MAU2: variants seen among roughly 807,000 people sequenced by gnomAD.
MAU2 encodes MAU2 sister chromatid cohesion factor.
A neutral mutation model predicts 89.1 loss-of-function variants in MAU2; 9 were observed. The observed-to-expected ratio is 0.10, with a 90% CI of 0.06 to 0.18. MAU2 has a LOEUF of 0.18. Ranked by LOEUF, MAU2 falls within the 10% of genes least tolerant of loss-of-function variation. The pLI, the probability that MAU2 is intolerant of heterozygous loss-of-function variation, is 1.00. For missense variants in MAU2, 425 were observed against 803.5 expected (o/e 0.53, Z 5.69); for synonymous variants, 357 against 343.4 (o/e 1.04, Z -0.44).
At chr19:19,347,456 C>T (rs1464840723) in intron 13 of MAU2, 90 bp downstream of exon 13, 4 of 975,780 alleles carry the variant, frequency 4.1e-6, no homozygotes, top group East Asian at 5.0e-5. Flanking sequence ...CAGCACATCT[C>T]AGCAGACCCC....
Position 19,345,271 on chromosome 19 carries a change from G to A in MAU2, c.1156-33G>A. ...TCTGATCTGAGCCCCCTCCCCAGGG[G>A]CCGGCCCTGATGACAACACCACCTT... On this transcript the variant is annotated intron_variant, in intron 11 of 18. Transcript: ENST00000262815. The surrounding 1 kb of genome is among the most constrained non-coding windows in gnomAD (Gnocchi z 4.9). The A allele has an allele frequency of 6.2e-7, 1 of 1,601,334 alleles. No individual in the cohort carries two copies. The highest frequency in any genetic ancestry group is 8.6e-7 in the Non-Finnish European group (1 of 1,168,902).
Position 19,341,282 on chromosome 19 carries a change from G to T in MAU2, c.610G>T (p.Val204Leu). The T allele has an allele frequency of 1.2e-6, 2 of 1,612,486 alleles. No homozygotes were observed. Among genetic ancestry groups the T allele is most frequent in the Non-Finnish European group, 1.7e-6 (2 of 1,179,986 alleles). The change falls in exon 7 of 19, where the codon GTG becomes TTG. Residue 204 changes from valine (V) to leucine (L), a missense_variant. Coordinates refer to ENST00000262815, the MANE Select transcript of MAU2 (RefSeq NM_015329.4). ...LLLMERKLQEVHPLLTLCGQI... is the reference protein window; with the variant it reads ...LLLMERKLQELHPLLTLCGQI... Reference sequence around the variant, plus strand: ...GCTGATGGAGCGAAAGCTGCAGGAGGTGCACCCGCTGCTGACCCTCTGCGG... The same window carrying T: ...GCTGATGGAGCGAAAGCTGCAGGAGTTGCACCCGCTGCTGACCCTCTGCGG...
chr19:19,335,306 T>C (rs1279177053), intron 1 of MAU2, among the ~76,000 whole-genome samples: 3 of 152,238 alleles, frequency 2.0e-5, no homozygotes, highest in Non-Finnish European at 4.4e-5. Context: ...TCTCGTGTTA[T>C]GCTTTGCTGA....
In MAU2 at chr19:19,325,726, G is replaced by A. The variant is rs150558340; in HGVS notation, c.276+4591G>A. Among the ~76,000 whole-genome samples, 682 of 152,198 alleles carry A rather than the reference G, an allele frequency of 4.5e-3. 3 individuals carry two copies. Among genetic ancestry groups the A allele is most frequent in the South Asian group, 0.031 (150 of 4,820 alleles). On this transcript the variant is annotated intron_variant, in intron 1 of 18. Coordinates refer to ENST00000262815, the MANE Select transcript of MAU2 (RefSeq NM_015329.4). ...ACTCCTGACCTCAGGTGATCTGCCC[G>A]CCTCAGCCTCCCAAAATGCCGGGAT...
intron 16 of MAU2, chr19:19,353,933 A>T (rs781738919): frequency 1.5e-4 from 33 of 219,084 alleles, no homozygotes; most frequent in Middle Eastern, 2.0e-3. Context: ...GGGGCCTCCC[A>T]TGAGAGCCAA....
In MAU2 at chr19:19,349,162, T is replaced by C; in HGVS notation, c.1366T>C (p.Cys456Arg). ...PDHSFPVSSH[C>R]LRAAAFYVRG... is the part of the protein sequence containing the mutation. ...ACTGCACTCTCCCTGCAGCTCGCACTGCCTCCGAGCAGCCGCCTTCTATGT... is the reference window on the plus strand; with the variant it reads ...ACTGCACTCTCCCTGCAGCTCGCACCGCCTCCGAGCAGCCGCCTTCTATGT... The change falls in exon 15 of 19, where the codon TGC (cysteine) becomes CGC (arginine). Residue 456 changes from cysteine to arginine, a missense_variant. By Grantham distance (180) the Cys-to-Arg change is radical. Coordinates refer to ENST00000262815, the MANE Select transcript of MAU2 (RefSeq NM_015329.4). 6.2e-7 allele frequency: 1 copy of C among 1,614,114 alleles called. No individual in the cohort carries two copies. Among genetic ancestry groups the C allele is most frequent in the Non-Finnish European group, 8.5e-7 (1 of 1,180,038 alleles).
At chr19:19,324,166 C>T (rs995445590) in intron 1 of MAU2, among the ~76,000 whole-genome samples, 5 of 152,070 alleles carry the variant, frequency 3.3e-5, no homozygotes, top group African/African-American at 1.2e-4. Context: ...AGAACTGAAC[C>T]AGGGAGAAGA....
intron 1 of MAU2, among the ~76,000 whole-genome samples, chr19:19,335,025 T>C (rs1184012285): frequency 6.6e-6 from 1 of 152,168 alleles, no homozygotes; most frequent in Non-Finnish European, 1.5e-5. Context: ...TCTGATGGGC[T>C]GTGGTCAGTG....
At chr19:19,351,141 G>A (rs2061740510) in intron 16 of MAU2, among the ~76,000 whole-genome samples, 1 of 151,056 alleles carries the variant, frequency 6.6e-6, no homozygotes, top group Non-Finnish European at 1.5e-5. Flanking sequence ...TTCACCCCCT[G>A]TAGGCTCAAG....
chr19:19,351,758 A>C (rs117949526), intron 16 of MAU2, among the ~76,000 whole-genome samples: 14 of 152,038 alleles, frequency 9.2e-5, no homozygotes, highest in Non-Finnish European at 2.1e-4. Flanking sequence ...ACAGAAAAAA[A>C]TTGCATGTCT....
chr19:19,337,468 T>A (rs1452727599), intron 4 of MAU2, among the ~76,000 whole-genome samples: 1 of 152,252 alleles, frequency 6.6e-6, no homozygotes, highest in East Asian at 1.9e-4. Flanking sequence ...ATCTCTGGCT[T>A]GAGCCTGGCT....
Position 19,345,499 on chromosome 19 carries a change from A to G in MAU2, c.1221+130A>G. 1.2e-6 allele frequency: 1 copy of G among 859,584 alleles called. No individual in the cohort carries two copies. The highest frequency in any genetic ancestry group is 2.5e-5 in the East Asian group (1 of 40,718). The allele number at this position is 859,584 out of a possible 1,614,324, so 53.2% of individuals were successfully genotyped here. ...AAAGCCGCAGCCCCAGAGGCAATGC[A>G]CAGTAGTCAGCCCATGCCAGCCTTG... On this transcript the variant is annotated intron_variant, in intron 12 of 18. Transcript: ENST00000262815. This position sits in a 1 kb window ranked among gnomAD's most constrained non-coding sequence, Gnocchi z 4.9.
chr19:19,353,623 C>T (rs1393089230), intron 16 of MAU2: 2 of 152,288 alleles, frequency 1.3e-5, no homozygotes, highest in Non-Finnish European at 2.9e-5. Flanking sequence ...GGGAATTTTC[C>T]AGGTCTTACC....
At position 19,341,371 on chromosome 19, in the gene MAU2, G is replaced by A. The variant is rs781561742; in HGVS notation, c.699G>A (p.Leu233=). The part of the protein sequence containing the change: ...IQKESLRVFF[L]VLQVTHYLDA... ...AGGAGTCGCTGCGTGTCTTCTTCCTGGTGCTCCAGGTCACCCACTATCTGG... is the reference window on the plus strand; with the variant it reads ...AGGAGTCGCTGCGTGTCTTCTTCCTAGTGCTCCAGGTCACCCACTATCTGG... Residue 233 remains leucine (L), a synonymous_variant, in exon 7 of 19, where the codon CTG becomes CTA. Transcript: ENST00000262815. 3.7e-6 allele frequency: 6 copies of A among 1,613,830 alleles called. No individual in the cohort carries two copies. Among genetic ancestry groups the A allele is most frequent in the East Asian group, 4.5e-5 (2 of 44,896 alleles).
In MAU2 at chr19:19,320,987, A is replaced by G; in HGVS notation, c.128A>G (p.Lys43Arg). Reference sequence around the variant, plus strand: ...CACTTCCGCACTTCCAGCCCGCCCAAAATCCGCCTGTGCGTGCACTGCCTG... The same window carrying G: ...CACTTCCGCACTTCCAGCCCGCCCAGAATCCGCCTGTGCGTGCACTGCCTG... ...AEHFRTSSPP[K>R]IRLCVHCLQA... The change falls in exon 1 of 19, where the codon AAA (lysine) becomes AGA (arginine). Residue 43 changes from lysine to arginine, a missense_variant. Lys to Arg is a conservative substitution (Grantham distance 26, BLOSUM62 2). This residue lies in a region of MAU2 where 57 missense variants were observed against 57.5 expected (regional missense o/e 0.99). Transcript: ENST00000262815. The G allele has an allele frequency of 1.2e-6, 2 of 1,609,004 alleles. No individual in the cohort carries two copies. Among genetic ancestry groups the G allele is most frequent in the South Asian group, 1.1e-5 (1 of 90,122 alleles).
chr19:19,334,436 C>T (rs927585174), intron 1 of MAU2: 80 of 985,618 alleles, frequency 8.1e-5, no homozygotes, highest in Non-Finnish European at 8.8e-5. Context: ...TCTGTGCTTT[C>T]CCAGTGCCTG....
intron 16 of MAU2, chr19:19,352,274 G>GAT (rs1367809486): frequency 6.6e-6 from 1 of 152,068 alleles, no homozygotes; most frequent in Non-Finnish European, 1.5e-5. Context: ...CCACAGGACA[G>GAT]ATAAAGCAAG....
At chr19:19,327,903 A>G (rs2061524261) in intron 1 of MAU2, among the ~76,000 whole-genome samples, 1 of 152,052 alleles carries the variant, frequency 6.6e-6, no homozygotes, top group South Asian at 2.1e-4. Flanking sequence ...CCCCTAAGTA[A>G]ATAGTTGATG....
At chr19:19,351,570 A>T (rs1211924124) in intron 16 of MAU2, among the ~76,000 whole-genome samples, 3 of 151,592 alleles carry the variant, frequency 2.0e-5, no homozygotes, top group Non-Finnish European at 4.4e-5. Context: ...GTCCCAGCTA[A>T]TTGGGAGGCT....
Sources: gnomAD v4.1 joint callset for allele counts (sites outside exome capture counted in the v4.1 genomes callset) on GRCh38, gnomAD v4.1.1 for gene constraint, gnomAD v4.1.1 regional missense constraint, Gnocchi (gnomAD v3.1) non-coding constraint, MANE v1.5 for transcripts, NCBI Gene and HGNC (gene_info 2026-07-23, HGNC 2026-07-21) for gene names.